The following RERE variants were observed in gnomAD, a reference collection of about 807,000 sequenced individuals.
RERE encodes the protein arginine-glutamic acid dipeptide repeats protein.
RERE carries 40 observed loss-of-function variants against 146.1 expected under a neutral mutation model. The observed-to-expected ratio is 0.27, with a 90% CI of 0.21 to 0.36. The LOEUF is 0.36. Ranked by LOEUF, RERE falls within the 10% of genes least tolerant of loss-of-function variation. The pLI is 1.00. For missense variants in RERE, 1,933 were observed against 2,138.7 expected (o/e 0.90, Z 1.90); for synonymous variants, 1,003 against 866.0 (o/e 1.16, Z -2.78).
intron 1 of RERE, among the ~76,000 whole-genome samples, chr1:8,771,681 C>A (rs1316358224): frequency 6.6e-6 from 1 of 151,950 alleles, no homozygotes; most frequent in Non-Finnish European, 1.5e-5. Context: ...GAGGCCAAGG[C>A]AGGCAGATCA....
chr1:8,642,842 A>G (rs6691900), intron 2 of RERE, among the ~76,000 whole-genome samples: 2,314 of 152,232 alleles, frequency 0.015, 60 homozygotes, highest in African/African-American at 0.053. Context: ...CTCTGTGCAC[A>G]TGTCTCCTAC....
At chr1:8,629,252 T>C (rs1369843561) in intron 2 of RERE, among the ~76,000 whole-genome samples, 1 of 152,188 alleles carries the variant, frequency 6.6e-6, no homozygotes, top group East Asian at 1.9e-4. Flanking sequence ...ACCTACTCTC[T>C]TAACACCTAA....
chr1:8,751,592 T>C (rs1640537017), intron 1 of RERE, among the ~76,000 whole-genome samples: 1 of 152,146 alleles, frequency 6.6e-6, no homozygotes, highest in Admixed American at 6.5e-5. Flanking sequence ...TGAAAGCACA[T>C]GCAGAACATG....
At chr1:8,495,826 A>C (rs1198136250) in intron 9 of RERE, among the ~76,000 whole-genome samples, 2 of 152,158 alleles carry the variant, frequency 1.3e-5, no homozygotes, top group African/African-American at 4.8e-5. Flanking sequence ...AGTCATCTAA[A>C]ATTTTACTTA....
In RERE at chr1:8,356,214, G is replaced by C. The variant is rs754199741; in HGVS notation, c.4372C>G (p.Pro1458Ala). 3 of 1,525,560 alleles carry C rather than the reference G, an allele frequency of 2.0e-6. No individual in the cohort carries two copies. In the East Asian group the frequency reaches 8.0e-5, roughly 41 times the overall value. The allele number at this position is 1,525,560 out of a possible 1,614,324, so 94.5% of individuals were successfully genotyped here. The change falls in exon 21 of 23, where the codon CCC becomes GCC. Residue 1458 changes from proline (P) to alanine (A), a missense_variant. Around this residue, in one of 11 missense-constraint regions of RERE, gnomAD observed 133 missense variants for 168.6 expected, o/e 0.79. Transcript: ENST00000400908. The surrounding 1 kb of genome is among the most constrained non-coding windows in gnomAD (Gnocchi z 5.2). ...SAGPVHPLVD[P>A]LTAGPHLARF... The stretch of plus-strand genomic sequence containing the variant: ...GCCAGGTGGGGACCGGCAGTCAGGG[G>C]GTCGACCAGCGGGTGAACGGGGCCT...
intron 6 of RERE, among the ~76,000 whole-genome samples, chr1:8,556,265 AAAAG>A (rs1646005369): frequency 6.6e-6 from 1 of 152,318 alleles, no homozygotes; most frequent in South Asian, 2.1e-4. Context: ...TCAAAAAAAA[AAAAG>A]AGAGAGAGAA....
At chr1:8,723,349 C>T (rs965684747) in intron 1 of RERE, among the ~76,000 whole-genome samples, 2 of 152,114 alleles carry the variant, frequency 1.3e-5, no homozygotes, top group South Asian at 2.1e-4. Flanking sequence ...TATAGAAATG[C>T]AATTTTTTTC....
intron 12 of RERE, among the ~76,000 whole-genome samples, chr1:8,373,362 T>C (rs1251962038): frequency 2.0e-5 from 3 of 152,198 alleles, no homozygotes; most frequent in Non-Finnish European, 4.4e-5. Flanking sequence ...AGTGAGCATC[T>C]GGCTCCTTCT....
At position 8,479,178 on chromosome 1, in the gene RERE, A is replaced by G. The variant is rs186145549; in HGVS notation, c.1105-13155T>C. On this transcript the variant is annotated intron_variant, in intron 10 of 22. Coordinates refer to ENST00000400908, the MANE Select transcript of RERE (RefSeq NM_001042681.2). ...GGCAAGAGGACTTCTTGAGGCCAAG[A>G]GTTTGAGACCAGCCTGGACAACACA... Among the ~76,000 whole-genome samples the G allele has an allele frequency of 6.8e-4, 103 of 152,128 alleles. 2 individuals are homozygous for G. The South Asian group carries it at 0.012, about 18-fold the overall frequency.
rs770686638 is a variant in RERE, at chr1:8,626,682, TCTC to T, written c.326-2305_326-2303del. The stretch of plus-strand genomic sequence containing the variant: ...AAACATTCCAACCCCACAATAAACT[TCTC>T]CTCCACACAGAAACATTCCAAGCCT... On this transcript the variant is annotated intron_variant, in intron 2 of 22. Transcript: ENST00000400908. 2.8e-4 allele frequency among the ~76,000 whole-genome samples: 43 copies of T among 151,750 alleles called. 1 individual carries two copies. Among genetic ancestry groups the T allele is most frequent in the Non-Finnish European group, 5.4e-4 (37 of 67,928 alleles).
Position 8,423,721 on chromosome 1 carries a change from G to C in RERE, c.1204-914C>G, listed in dbSNP as rs1312698627. 1 of 979,570 alleles carries C rather than the reference G, an allele frequency of 1.0e-6. No homozygotes were observed. Among genetic ancestry groups the C allele is most frequent in the Admixed American group, 6.3e-5 (1 of 15,830 alleles). The allele number at this position is 979,570 out of a possible 1,614,324, so 60.7% of individuals were successfully genotyped here. On this transcript the variant is annotated intron_variant, in intron 11 of 22. Coordinates refer to ENST00000400908, the MANE Select transcript of RERE (RefSeq NM_001042681.2). This position sits in a 1 kb window ranked among gnomAD's most constrained non-coding sequence, Gnocchi z 5.4. The stretch of plus-strand genomic sequence containing the variant: ...GTGGCTCGGCGTGTGACCGCGGCGG[G>C]GCCGCGCGGCGCGGGGCCCGGGGGG...
chr1:8,797,141 A>G (rs1368133527), intron 1 of RERE, among the ~76,000 whole-genome samples: 1 of 152,150 alleles, frequency 6.6e-6, no homozygotes, highest in African/African-American at 2.4e-5. Context: ...TGGGAGCCTG[A>G]GGCAGGAGGA....
chr1:8,753,943 G>A (rs1461473269), intron 1 of RERE: 1 of 152,168 alleles, frequency 6.6e-6, no homozygotes, highest in African/African-American at 2.4e-5. Context: ...TTGTGCAAAT[G>A]GGCCAGTTTT....
intron 1 of RERE, among the ~76,000 whole-genome samples, chr1:8,771,559 C>T (rs996822609): frequency 6.7e-6 from 1 of 148,256 alleles, no homozygotes; most frequent in African/African-American, 2.5e-5. Flanking sequence ...CTTCTATTTG[C>T]TAAATATTTT....
At chr1:8,701,081 AG>A in intron 1 of RERE, among the ~76,000 whole-genome samples, 1 of 152,250 alleles carries the variant, frequency 6.6e-6, no homozygotes, top group Non-Finnish European at 1.5e-5. Flanking sequence ...ACTACCCTGT[AG>A]GAGCAGCCAA....
intron 1 of RERE, among the ~76,000 whole-genome samples, chr1:8,705,839 G>A (rs1164115422): frequency 3.9e-5 from 6 of 152,124 alleles, no homozygotes; most frequent in Admixed American, 6.5e-5. Flanking sequence ...TCTATTGGCC[G>A]GATGCGGTGG....
rs1646820351 is a variant in RERE, at chr1:8,613,887, G to C, written c.522+674C>G. On this transcript the variant is annotated intron_variant, in intron 4 of 22. Transcript: ENST00000400908. Reference sequence around the variant, plus strand: ...ACAAGTGTGAACTTTCCTAAAAAAAGGGAGATGTACTAAACGATAATAACC... The same window carrying C: ...ACAAGTGTGAACTTTCCTAAAAAAACGGAGATGTACTAAACGATAATAACC... Among the ~76,000 whole-genome samples the C allele has an allele frequency of 2.0e-5, 3 of 152,232 alleles. No individual in the cohort carries two copies. In the South Asian group the frequency reaches 6.2e-4, roughly 32 times the overall value.
chr1:8,681,023 G>A (rs527884563), intron 1 of RERE, among the ~76,000 whole-genome samples: 78 of 152,292 alleles, frequency 5.1e-4, no homozygotes, highest in Middle Eastern at 6.8e-3. Flanking sequence ...GTGGAGAGCC[G>A]GAGAATGGGA....
chr1:8,463,048 G>T (rs983118647), intron 11 of RERE, among the ~76,000 whole-genome samples: 1 of 152,142 alleles, frequency 6.6e-6, no homozygotes, highest in Non-Finnish European at 1.5e-5. Context: ...TTAACAGAAG[G>T]GGGCCACATG....
Sources: gnomAD v4.1 joint callset for allele counts (sites outside exome capture counted in the v4.1 genomes callset) on GRCh38, gnomAD v4.1.1 for gene constraint, gnomAD v4.1.1 regional missense constraint, Gnocchi (gnomAD v3.1) non-coding constraint, MANE v1.5 for transcripts, NCBI Gene and HGNC (gene_info 2026-07-23, HGNC 2026-07-21) for gene names.